ZMIZ1: variants seen among roughly 807,000 people sequenced by gnomAD.
The protein encoded by ZMIZ1 is zinc finger MIZ-type containing 1, also known as zinc finger MIZ domain-containing protein 1.
Under a neutral mutation model 113.9 loss-of-function variants are expected in ZMIZ1, and 17 were observed. The observed-to-expected ratio is 0.15, with a 90% CI of 0.10 to 0.22. The LOEUF is 0.22. Among genes scored for constraint, ZMIZ1 ranks in the 10% least tolerant of loss-of-function variants. ZMIZ1 has a pLI of 1.00. For synonymous variants in ZMIZ1, 607 were observed against 603.1 expected, an observed-to-expected ratio of 1.01 and a Z score of -0.09; for missense variants, 1,059 against 1,477.8, an observed-to-expected ratio of 0.72 and a Z score of 4.65.
chr10:79,297,739 C>T (rs199970179), intron 14 of ZMIZ1, 49 bp downstream of exon 14: 3 of 1,540,536 alleles, frequency 1.9e-6, no homozygotes, highest in African/African-American at 1.4e-5. Context: ...GAGTTGTTGC[C>T]TCTAAAGGTT....
intron 4 of ZMIZ1, among the ~76,000 whole-genome samples, chr10:79,175,168 C>T (rs1430262419): frequency 6.6e-6 from 1 of 152,190 alleles, no homozygotes; most frequent in African/African-American, 2.4e-5. Flanking sequence ...GGGAGGGAGA[C>T]CACTGGTGGC....
chr10:79,170,381 T>G (rs1846549607), intron 4 of ZMIZ1, among the ~76,000 whole-genome samples: 1 of 152,224 alleles, frequency 6.6e-6, no homozygotes, highest in Non-Finnish European at 1.5e-5. Context: ...ATCTGTGGGT[T>G]TCCGCCCCAT....
intron 2 of ZMIZ1, among the ~76,000 whole-genome samples, chr10:79,132,202 C>T (rs1844799420): frequency 6.6e-6 from 1 of 152,178 alleles, no homozygotes; most frequent in African/African-American, 2.4e-5. Flanking sequence ...AATATTGTTC[C>T]CCTTTAGAGG....
At chr10:79,173,197 C>T (rs80192273) in intron 4 of ZMIZ1, among the ~76,000 whole-genome samples, 10 of 152,188 alleles carry the variant, frequency 6.6e-5, no homozygotes, top group African/African-American at 2.2e-4. Context: ...TTGTCCAACC[C>T]GTGACCCATG....
rs181895785 is a variant in ZMIZ1, at chr10:79,153,979, G to A, written c.-130-8074G>A. ...CACCTGGCCCAGGAAGGGGGTCATC[G>A]AGAACACTCAGTGCTCAGTGGTTTG... On this transcript the variant is annotated intron_variant, in intron 3 of 24. Transcript: ENST00000334512. Among the ~76,000 whole-genome samples the A allele has an allele frequency of 3.7e-4, 56 of 152,344 alleles. 2 individuals carry two copies. The South Asian group carries it at 6.4e-3, about 17-fold the overall frequency.
chr10:79,122,908 G>A (rs1321816293), intron 2 of ZMIZ1, among the ~76,000 whole-genome samples: 1 of 152,204 alleles, frequency 6.6e-6, no homozygotes, highest in Non-Finnish European at 1.5e-5. Flanking sequence ...CTGGTAGAAA[G>A]CTCCAGCCCC....
intron 6 of ZMIZ1, among the ~76,000 whole-genome samples, chr10:79,214,040 A>G (rs1015344402): frequency 1.3e-5 from 2 of 152,208 alleles, no homozygotes; most frequent in African/African-American, 4.8e-5. Context: ...ATCCACCTGA[A>G]GTTCTACAAA....
intron 8 of ZMIZ1, among the ~76,000 whole-genome samples, chr10:79,285,251 G>A (rs182667054): frequency 1.6e-4 from 25 of 152,372 alleles, no homozygotes; most frequent in Admixed American, 1.3e-3. Context: ...GGCACTGAAT[G>A]AGTTCTTAGG....
At chr10:79,305,981 G>A (rs554193947) in intron 21 of ZMIZ1, 119 bp from the exon 22 acceptor site, 2 of 1,457,044 alleles carry the variant, frequency 1.4e-6, no homozygotes, top group East Asian at 2.3e-5. Flanking sequence ...CCACAGTGTG[G>A]TGAGAGTGGG....
At chr10:79,088,111 C>T (rs972766816) in intron 1 of ZMIZ1, among the ~76,000 whole-genome samples, 2 of 152,250 alleles carry the variant, frequency 1.3e-5, no homozygotes, top group Admixed American at 1.3e-4. Context: ...CTGGCCCCTT[C>T]TTTTGCCCTT....
At chr10:79,140,685 C>A (rs1370901548) in intron 3 of ZMIZ1, among the ~76,000 whole-genome samples, 5 of 152,168 alleles carry the variant, frequency 3.3e-5, no homozygotes, top group Admixed American at 6.5e-5. Context: ...CCCACCCATT[C>A]CCCCCATCCA....
intron 8 of ZMIZ1, among the ~76,000 whole-genome samples, chr10:79,279,015 G>A (rs1017189572): frequency 2.1e-4 from 32 of 151,876 alleles, no homozygotes; most frequent in Admixed American, 1.7e-3. Flanking sequence ...CGGGGTGGCC[G>A]GGCAGAGGCG....
chr10:79,188,925 G>A (rs765156839), intron 4 of ZMIZ1, among the ~76,000 whole-genome samples: 1 of 152,176 alleles, frequency 6.6e-6, no homozygotes, highest in Non-Finnish European at 1.5e-5. Context: ...TCATCTAACC[G>A]GGAATGCTTC....
chr10:79,266,008 T>C (rs1423400267), intron 7 of ZMIZ1, among the ~76,000 whole-genome samples: 1 of 152,198 alleles, frequency 6.6e-6, no homozygotes, highest in Non-Finnish European at 1.5e-5. Context: ...GCTCACCCCA[T>C]ATCACCTGCA....
chr10:79,310,102 C>T (rs1855018421), intron 23 of ZMIZ1, among the ~76,000 whole-genome samples: 1 of 152,186 alleles, frequency 6.6e-6, no homozygotes, highest in East Asian at 1.9e-4. Flanking sequence ...GTTAGAGAGG[C>T]ACCGCCAGCC....
At chr10:79,103,112 G>A (rs1399371834) in intron 1 of ZMIZ1, among the ~76,000 whole-genome samples, 1 of 152,002 alleles carries the variant, frequency 6.6e-6, no homozygotes, top group East Asian at 1.9e-4. Flanking sequence ...AGTCTGGGAG[G>A]ACCCCTTGAG....
At chr10:79,226,125 G>A (rs566024134) in intron 7 of ZMIZ1, among the ~76,000 whole-genome samples, 44 of 152,252 alleles carry the variant, frequency 2.9e-4, no homozygotes, top group South Asian at 1.2e-3. Flanking sequence ...GGCAGTAACC[G>A]TGCAGGGCCA....
intron 12 of ZMIZ1, chr10:79,293,890 G>C: frequency 1.6e-6 from 1 of 638,554 alleles, no homozygotes. Context: ...ACTTGAGGAG[G>C]TGTCCGTGAA....
chr10:79,132,474 C>A (rs564300692), intron 2 of ZMIZ1, among the ~76,000 whole-genome samples: 2 of 152,180 alleles, frequency 1.3e-5, no homozygotes, highest in African/African-American at 2.4e-5. Context: ...CAGGGAGCAG[C>A]GAGGACTGTG....
Sources: allele counts gnomAD v4.1 joint callset (sites outside exome capture counted in the v4.1 genomes callset), GRCh38; gene constraint gnomAD v4.1.1; transcripts MANE v1.5; gene names NCBI Gene and HGNC (gene_info 2026-07-23, HGNC 2026-07-21).